The following ACTN2 variants were observed in gnomAD, a reference collection of about 807,000 sequenced individuals.
ACTN2 encodes alpha-actinin-2.
In ACTN2, 39 loss-of-function variants were observed where a neutral mutation model predicts 113.8. The observed-to-expected ratio is 0.34, with a 90% CI of 0.27 to 0.45. The LOEUF (loss-of-function observed/expected upper bound fraction) is 0.45, where lower values mean the gene tolerates loss of function less well. ACTN2 is among the 20% of genes least tolerant of loss of function. The pLI is 1.00. For missense variants in ACTN2, 992 were observed against 1,177.9 expected, an observed-to-expected ratio of 0.84 and a Z score of 2.31; for synonymous variants, 429 against 444.1, an observed-to-expected ratio of 0.97 and a Z score of 0.43.
intron 1 of ACTN2, among the ~76,000 whole-genome samples, chr1:236,693,169 G>T (rs1657328444): frequency 1.2e-5 from 1 of 82,628 alleles, no homozygotes; most frequent in Non-Finnish European, 2.4e-5. Flanking sequence ...ACAAACATCT[G>T]CACACATGCA....
intron 1 of ACTN2, among the ~76,000 whole-genome samples, chr1:236,715,275 T>A (rs1356671214): frequency 6.6e-6 from 1 of 151,004 alleles, no homozygotes; most frequent in Non-Finnish European, 1.5e-5. Context: ...TCATTTAACA[T>A]TAGGTATCTC....
At chr1:236,751,388 T>G (rs1471070965) in intron 14 of ACTN2, 82 bp from the exon 15 acceptor site, 33 of 1,513,402 alleles carry the variant, frequency 2.2e-5, no homozygotes, top group Non-Finnish European at 3.0e-5. Context: ...AGGCATTTAC[T>G]TGTGTGCGGA....
chr1:236,690,878 C>G (rs895578816), intron 1 of ACTN2, among the ~76,000 whole-genome samples: 1 of 151,884 alleles, frequency 6.6e-6, no homozygotes, highest in Non-Finnish European at 1.5e-5. Flanking sequence ...TATCATCTCA[C>G]ATTGAAACTC....
chr1:236,719,709 G>T (rs898536658), intron 3 of ACTN2, among the ~76,000 whole-genome samples: 1 of 151,724 alleles, frequency 6.6e-6, no homozygotes, highest in Admixed American at 6.6e-5. Context: ...TGAGGCAGGA[G>T]AATTGCTTGA....
chr1:236,735,204 T>C (rs924533567), intron 7 of ACTN2, among the ~76,000 whole-genome samples: 1 of 152,196 alleles, frequency 6.6e-6, no homozygotes, highest in Non-Finnish European at 1.5e-5. Context: ...GATAGCCCAT[T>C]GCAGCCCTGT....
rs758272111 is a variant in ACTN2 at position 236,731,212 on chromosome 1, ACTGT to A, written c.616-18_616-15del. On this transcript the variant is annotated splice_polypyrimidine_tract_variant and intron_variant, in intron 6 of 20. Transcript: ENST00000366578. ...TTTCAAAATATATTTTAAAAATCTG[ACTGT>A]CTTGGTTTTCATACAGGATGACCCC... 1.9e-6 allele frequency: 3 copies of A among 1,581,336 alleles called. No individual in the cohort carries two copies. The highest frequency in any genetic ancestry group is 2.6e-6 in the Non-Finnish European group (3 of 1,150,496).
chr1:236,716,464 A>G (rs1658216109), intron 1 of ACTN2, among the ~76,000 whole-genome samples: 1 of 152,166 alleles, frequency 6.6e-6, no homozygotes, highest in African/African-American at 2.4e-5. Context: ...AGTTAAAAGA[A>G]GCTGGAAAAA....
Position 236,755,013 on chromosome 1 carries a change from C to A in ACTN2, c.1975-6C>A, listed in dbSNP as rs201255023. The A allele has an allele frequency of 6.2e-6, 10 of 1,614,188 alleles. No homozygotes were observed. Among genetic ancestry groups the A allele is most frequent in the East Asian group, 2.2e-5 (1 of 44,888 alleles). On this transcript the variant is annotated splice_polypyrimidine_tract_variant and splice_region_variant and intron_variant, in intron 16 of 20. Transcript: ENST00000366578. ...CTCTCTCTGCTTGCTCACTCGCCCC[C>A]CTCAGGAGATTGCCCGGAGCTCCAT... is the stretch of plus-strand genomic sequence containing the variant.
Position 236,763,347 on chromosome 1 carries a change from G to A in ACTN2, c.*728G>A, listed in dbSNP as rs1211230111. 1 of 152,748 alleles carries A rather than the reference G, an allele frequency of 6.5e-6. No homozygotes were observed. The highest frequency in any genetic ancestry group is 1.5e-5 in the Non-Finnish European group (1 of 68,490). 9.5% of individuals were successfully genotyped at this position (152,748 alleles called of 1,614,324 possible). On this transcript the variant is annotated 3_prime_UTR_variant, in exon 21 of 21. Transcript: ENST00000366578. ...TGGAAGTCAGTTTAATTGCCAGAGA[G>A]AAGGATGCAATCACTAGGTAAAATG...
intron 5 of ACTN2, 132 bp downstream of exon 5, chr1:236,726,152 G>A (rs922881445): frequency 2.5e-6 from 2 of 815,388 alleles, no homozygotes; most frequent in Non-Finnish European, 2.1e-6. Flanking sequence ...AACTCAGGCT[G>A]TAGAATTCTT....
chr1:236,721,995 G>A (rs767896295), intron 4 of ACTN2, among the ~76,000 whole-genome samples: 4 of 151,868 alleles, frequency 2.6e-5, no homozygotes, highest in African/African-American at 7.3e-5. Flanking sequence ...AAAATTTTGC[G>A]ATAAAAGGCT....
chr1:236,708,967 A>C (rs2102879420), intron 1 of ACTN2, among the ~76,000 whole-genome samples: 1 of 152,232 alleles, frequency 6.6e-6, no homozygotes, highest in East Asian at 1.9e-4. Context: ...AAGAACCAGG[A>C]AACCGATTAG....
intron 4 of ACTN2, among the ~76,000 whole-genome samples, chr1:236,725,634 A>AAT (rs972036700): frequency 4.5e-4 from 7 of 15,584 alleles, no homozygotes; most frequent in African/African-American, 5.5e-4. Context: ...CTCAAAAAAA[A>AAT]TTAAAAAAAG....
intron 10 of ACTN2, among the ~76,000 whole-genome samples, chr1:236,741,325 C>T (rs1237051654): frequency 1.3e-5 from 2 of 152,220 alleles, no homozygotes; most frequent in Admixed American, 6.5e-5. Context: ...TAGGCATGAG[C>T]GAGCATGCCT....
intron 13 of ACTN2, 46 bp downstream of exon 13, chr1:236,747,821 G>T (rs757694104): frequency 7.0e-7 from 1 of 1,418,972 alleles, no homozygotes; most frequent in Non-Finnish European, 9.9e-7. Context: ...TTTAATAGAA[G>T]CTCTTTAATT....
intron 1 of ACTN2, among the ~76,000 whole-genome samples, chr1:236,697,319 C>T (rs944572464): frequency 4.6e-5 from 7 of 151,978 alleles, no homozygotes; most frequent in African/African-American, 1.7e-4. Flanking sequence ...GAGCAAGACC[C>T]TGTCTCAAAA....
chr1:236,717,932 G>T lies in ACTN2; in HGVS notation c.201G>T (p.Arg67Ser). The change falls in exon 2 of 21, where the codon AGG becomes AGT. Residue 67 changes from arginine (R) to serine (S), a missense_variant. By Grantham distance (110) the Arg-to-Ser change is moderately radical. This residue lies in a region of ACTN2 where 220 missense variants were observed against 337.5 expected (regional missense o/e 0.65). Transcript: ENST00000366578. ...TQIENIEEDF[R>S]NGLKLMLLLE... ...TTGAGAACATCGAGGAAGACTTCAG[G>T]AATGGCCTTAAGCTCATGCTGCTTT... is the stretch of plus-strand genomic sequence containing the variant. The T allele has an allele frequency of 6.2e-7, 1 of 1,614,126 alleles. No individual in the cohort carries two copies.
chr1:236,699,520 C>T (rs577988276), intron 1 of ACTN2, among the ~76,000 whole-genome samples: 5 of 152,274 alleles, frequency 3.3e-5, no homozygotes, highest in East Asian at 1.9e-4. Context: ...ATATGTCTGA[C>T]GCACTTCCAA....
chr1:236,762,321 G>A (rs774849476), intron 20 of ACTN2, 140 bp from the exon 21 acceptor site: 84 of 1,148,024 alleles, frequency 7.3e-5, no homozygotes, highest in Non-Finnish European at 9.9e-5. Context: ...TTGGTTGTCT[G>A]GTACTACTAT....
Sources: gnomAD v4.1 joint callset for allele counts (sites outside exome capture counted in the v4.1 genomes callset) on GRCh38, gnomAD v4.1.1 for gene constraint, gnomAD v4.1.1 regional missense constraint, MANE v1.5 for transcripts, NCBI Gene and HGNC (gene_info 2026-07-23, HGNC 2026-07-21) for gene names.